JPH2: variants seen among roughly 807,000 people sequenced by gnomAD.
JPH2 encodes the protein junctophilin 2.
A neutral mutation model predicts 55.9 loss-of-function variants in JPH2; 38 were observed. That is an observed-to-expected ratio of 0.68 (90% CI 0.52 to 0.89). The LOEUF (loss-of-function observed/expected upper bound fraction) is 0.89. JPH2 is among the 40% of genes least tolerant of loss of function. The pLI, the probability that JPH2 is intolerant of heterozygous loss-of-function variation, is 0.00. For missense variants in JPH2, 964 were observed against 1,037.6 expected (o/e 0.93, Z 0.97); for synonymous variants, 480 against 472.4 (o/e 1.02, Z -0.21).
chr20:44,116,182 C>A lies in JPH2; in HGVS notation c.1493G>T (p.Arg498Met). Residue 498 changes from arginine to methionine, a missense_variant, in exon 4 of 6, where the codon AGG becomes ATG. Arg to Met is a moderately conservative substitution (Grantham distance 91, BLOSUM62 -1). Coordinates refer to ENST00000372980, the MANE Select transcript of JPH2 (RefSeq NM_020433.5). Reference protein sequence around the residue: ...AGTPPQPKRPRPGVSKDGLLS... With the variant: ...AGTPPQPKRPMPGVSKDGLLS... ...CAGGCCGTCCTTGGACACCCCGGGC[C>A]TGGGCCGCTTGGGCTGCGGGGGCGT... The A allele has an allele frequency of 7.2e-7, 1 of 1,395,500 alleles. No homozygotes were observed. The highest frequency in any genetic ancestry group is 9.2e-7 in the Non-Finnish European group (1 of 1,086,828). 86.4% of individuals were successfully genotyped at this position (1,395,500 alleles called of 1,614,324 possible). A position where few individuals can be genotyped will look rare whatever the true frequency, so the allele number is the denominator to read the frequency against.
intron 2 of JPH2, among the ~76,000 whole-genome samples, chr20:44,148,941 C>T (rs915190647): frequency 6.6e-6 from 1 of 151,944 alleles, no homozygotes; most frequent in South Asian, 2.1e-4. Flanking sequence ...GTGGTGAGCG[C>T]CCATAGTCCC....
intron 1 of JPH2, among the ~76,000 whole-genome samples, chr20:44,169,854 G>A (rs2072684694): frequency 6.6e-6 from 1 of 152,098 alleles, no homozygotes; most frequent in Admixed American, 6.6e-5. Flanking sequence ...TATAAGAAGA[G>A]GAAGAGAGAT....
At chr20:44,176,269 C>T (rs1369438469) in intron 1 of JPH2, among the ~76,000 whole-genome samples, 1 of 150,724 alleles carries the variant, frequency 6.6e-6, no homozygotes. Flanking sequence ...AGCCTTTTCT[C>T]AACACAAGAG....
intron 2 of JPH2, among the ~76,000 whole-genome samples, chr20:44,140,453 T>A (rs551577563): frequency 6.6e-6 from 1 of 152,196 alleles, no homozygotes; most frequent in African/African-American, 2.4e-5. Context: ...TATGGGATGA[T>A]GGTTTTGGCA....
Position 44,186,740 on chromosome 20 carries a change from A to AGCGTGGGTGCAGAGG in JPH2, c.-50_-36dup, listed in dbSNP as rs2072849433. 1.9e-6 allele frequency: 3 copies of AGCGTGGGTGCAGAGG among 1,587,476 alleles called. No homozygotes were observed. ...GCCCCTGACAACCTCCCCGTCCTCC[A>AGCGTGGGTGCAGAGG]GCGTGGGTGCAGAGGGCGTGGGTGA... On this transcript the variant is annotated 5_prime_UTR_variant, in exon 1 of 6. Transcript: ENST00000372980.
rs1280452685 is a variant in JPH2 at position 44,149,962 on chromosome 20, GGAA to G, written c.1169+9653_1169+9655del. Among the ~76,000 whole-genome samples the G allele has an allele frequency of 9.8e-3, 1,143 of 116,688 alleles. 9 individuals are homozygous for G. Among genetic ancestry groups the G allele is most frequent in the African/African-American group, 0.024 (782 of 33,248 alleles). 76.6% of individuals were successfully genotyped at this position (116,688 alleles called of 152,430 possible). A position where few individuals can be genotyped will look rare whatever the true frequency, so the allele number is the denominator to read the frequency against. ...ACTGCACTCCAGCCTGGGCGACAGA[GGAA>G]AAAAAAAAAAAAAAAAAAAAAAAGA... On this transcript the variant is annotated intron_variant, in intron 2 of 5. Coordinates refer to ENST00000372980, the MANE Select transcript of JPH2 (RefSeq NM_020433.5).
chr20:44,137,748 A>G (rs1183095516), intron 2 of JPH2, among the ~76,000 whole-genome samples: 3 of 152,146 alleles, frequency 2.0e-5, no homozygotes, highest in Non-Finnish European at 4.4e-5. Context: ...GCCTTATCCC[A>G]TCATAGCAGT....
At chr20:44,140,857 C>G (rs2072451738) in intron 2 of JPH2, among the ~76,000 whole-genome samples, 1 of 152,170 alleles carries the variant, frequency 6.6e-6, no homozygotes, top group African/African-American at 2.4e-5. Flanking sequence ...TCATTTTACC[C>G]TCAGTGGTAA....
In JPH2 at chr20:44,134,340, A is replaced by T. The variant is rs374907379; in HGVS notation, c.1170-15717T>A. Among the ~76,000 whole-genome samples, 14 of 1,994 alleles carry T rather than the reference A, an allele frequency of 7.0e-3. 2 individuals carry two copies. The highest frequency in any genetic ancestry group is 0.022 in the East Asian group (1 of 46). The allele number at this position is 1,994 out of a possible 152,430, so 1.3% of individuals were successfully genotyped here. On this transcript the variant is annotated intron_variant, in intron 2 of 5. Coordinates refer to ENST00000372980, the MANE Select transcript of JPH2 (RefSeq NM_020433.5). ...ATAAATATATAATAAATATATAATA[A>T]ATATTTATTATAAATATATATATTT...
chr20:44,149,558 T>A (rs1196006814), intron 2 of JPH2, among the ~76,000 whole-genome samples: 1 of 152,166 alleles, frequency 6.6e-6, no homozygotes, highest in African/African-American at 2.4e-5. Context: ...CCCTCCCCAT[T>A]TCCCTGCTGC....
At chr20:44,164,430 G>T (rs1162147333) in intron 1 of JPH2, among the ~76,000 whole-genome samples, 1 of 152,120 alleles carries the variant, frequency 6.6e-6, no homozygotes, top group Non-Finnish European at 1.5e-5. Context: ...GTCTTTTGAG[G>T]ATTAAAAATA....
chr20:44,149,611 C>G (rs535787358), intron 2 of JPH2, among the ~76,000 whole-genome samples: 1 of 152,304 alleles, frequency 6.6e-6, no homozygotes, highest in African/African-American at 2.4e-5. Flanking sequence ...TTCCCCACCT[C>G]CTTCTGCCCT....
At chr20:44,144,037 A>AG (rs1296685097) in intron 2 of JPH2, among the ~76,000 whole-genome samples, 1 of 152,200 alleles carries the variant, frequency 6.6e-6, no homozygotes, top group African/African-American at 2.4e-5. Flanking sequence ...TTCGGGAACC[A>AG]GCCTCGCCAA....
chr20:44,162,550 A>T (rs1326780421), intron 1 of JPH2, among the ~76,000 whole-genome samples: 1 of 151,578 alleles, frequency 6.6e-6, no homozygotes, highest in African/African-American at 2.4e-5. Context: ...AGGCAGAAAA[A>T]TGTGAAAAGC....
At chr20:44,167,985 T>TCCAGATGA (rs1158235984) in intron 1 of JPH2, among the ~76,000 whole-genome samples, 1 of 152,140 alleles carries the variant, frequency 6.6e-6, no homozygotes, top group East Asian at 1.9e-4. Context: ...ATGGCAGCAG[T>TCCAGATGA]CCAGATGAGA....
chr20:44,152,723 T>A (rs1268226789), intron 2 of JPH2, among the ~76,000 whole-genome samples: 1 of 152,234 alleles, frequency 6.6e-6, no homozygotes, highest in Non-Finnish European at 1.5e-5. Flanking sequence ...GAAATGAGTG[T>A]TGGCAGTGCA....
intron 2 of JPH2, among the ~76,000 whole-genome samples, chr20:44,134,814 T>C (rs1311039952): frequency 8.8e-6 from 1 of 114,168 alleles, no homozygotes; most frequent in African/African-American, 3.4e-5. Context: ...TAAATATATA[T>C]AAATATTTAT....
At chr20:44,143,410 A>G (rs908591691) in intron 2 of JPH2, among the ~76,000 whole-genome samples, 1 of 152,098 alleles carries the variant, frequency 6.6e-6, no homozygotes, top group African/African-American at 2.4e-5. Flanking sequence ...CAGCTGTCCA[A>G]TTCCTGCCCA....
chr20:44,158,152 C>T (rs6031423), intron 2 of JPH2, among the ~76,000 whole-genome samples: 44,273 of 152,020 alleles, frequency 0.29, 6,527 homozygotes, highest in Admixed American at 0.36. Flanking sequence ...TAAAGCTGCA[C>T]CTGTGGCGCG....
Sources: gnomAD v4.1 joint callset for allele counts (sites outside exome capture counted in the v4.1 genomes callset) on GRCh38, gnomAD v4.1.1 for gene constraint, MANE v1.5 for transcripts, NCBI Gene and HGNC (gene_info 2026-07-23, HGNC 2026-07-21) for gene names.